SERINC5: variants seen among roughly 807,000 people sequenced by gnomAD.
SERINC5 encodes the protein serine incorporator 5.
In SERINC5, 41 loss-of-function variants were observed where a neutral mutation model predicts 63.1. The ratio of observed to expected loss-of-function variants is 0.65; its 90% CI spans 0.51 to 0.84. The LOEUF (loss-of-function observed/expected upper bound fraction) is 0.84. SERINC5 is among the 40% of genes least tolerant of loss of function. The pLI, the probability that SERINC5 is intolerant of heterozygous loss-of-function variation, is 0.00. For missense variants in SERINC5, 523 were observed against 573.0 expected (o/e 0.91, Z 0.89); for synonymous variants, 222 against 215.2 (o/e 1.03, Z -0.28).
chr5:80,224,766 A>G (rs934062599), intron 1 of SERINC5, among the ~76,000 whole-genome samples: 5 of 151,768 alleles, frequency 3.3e-5, no homozygotes, highest in Admixed American at 2.0e-4. Context: ...AGCTGGGATT[A>G]CAGGAATGCA....
At chr5:80,137,933 G>A (rs778865001), downstream of SERINC5, among the ~76,000 whole-genome samples, 41 of 151,804 alleles carry the variant, frequency 2.7e-4, no homozygotes, top group Non-Finnish European at 1.3e-4. Flanking sequence ...GTGAGACTCT[G>A]TCTCAAAAAA....
chr5:80,124,731 G>A (rs540192830), intron 11 of SERINC5, among the ~76,000 whole-genome samples: 38 of 152,066 alleles, frequency 2.5e-4, no homozygotes, highest in Non-Finnish European at 4.4e-4. Context: ...TGCTTATCTC[G>A]TCACCTGCAG....
chr5:80,239,467 C>CTT (rs35238009), intron 1 of SERINC5, among the ~76,000 whole-genome samples: 11 of 133,950 alleles, frequency 8.2e-5, no homozygotes, highest in Non-Finnish European at 1.4e-4. Context: ...CACTGGGATT[C>CTT]TTTTTTTTTT....
At chr5:80,201,856 A>G (rs1749856970) in intron 2 of SERINC5, among the ~76,000 whole-genome samples, 1 of 152,222 alleles carries the variant, frequency 6.6e-6, no homozygotes, top group African/African-American at 2.4e-5. Flanking sequence ...GAAATGCCCC[A>G]TAGCCCATTC....
rs144929941 is a variant in SERINC5, at chr5:80,209,113, A to G, written c.28-6060T>C. Among the ~76,000 whole-genome samples the G allele has an allele frequency of 6.5e-4, 99 of 152,316 alleles. 1 individual carries two copies. The East Asian group carries it at 0.019, about 29-fold the overall frequency. The stretch of plus-strand genomic sequence containing the variant: ...TGGCAACACCCCGTCTCTACTAAAA[A>G]TACAAAAATTAGCCAAGCATGGTGG... On this transcript the variant is annotated intron_variant, in intron 1 of 11. Coordinates refer to ENST00000507668, the MANE Select transcript of SERINC5 (RefSeq NM_001174072.3).
In SERINC5 at chr5:80,177,995, A is replaced by C. The variant is rs747035279; in HGVS notation, c.265T>G (p.Ser89Ala). 1 of 1,612,874 alleles carries C rather than the reference A, an allele frequency of 6.2e-7. No individual in the cohort carries two copies. The highest frequency in any genetic ancestry group is 1.1e-5 in the South Asian group (1 of 90,794). ...CCAAAACAGACTCTATACACGGCAGAATATCCCACCAGCTTCTCACAGGTG... is the reference window on the plus strand; with the variant it reads ...CCAAAACAGACTCTATACACGGCAGCATATCCCACCAGCTTCTCACAGGTG... ...GDTCEKLVGYSAVYRVCFGMA... is the reference protein window; with the variant it reads ...GDTCEKLVGYAAVYRVCFGMA... The change falls in exon 3 of 12, where the codon TCT becomes GCT. Residue 89 changes from serine (S) to alanine (A), a missense_variant. Transcript: ENST00000507668.
At chr5:80,179,242 C>T (rs751430712) in intron 2 of SERINC5, among the ~76,000 whole-genome samples, 67 of 151,928 alleles carry the variant, frequency 4.4e-4, no homozygotes, top group Non-Finnish European at 6.6e-4. Flanking sequence ...GAGGTTGCAG[C>T]GAGCCGAGAT....
intron 2 of SERINC5, among the ~76,000 whole-genome samples, chr5:80,183,117 C>T (rs1748559724): frequency 6.6e-6 from 1 of 152,070 alleles, no homozygotes; most frequent in African/African-American, 2.4e-5. Flanking sequence ...GGCAAGGGGA[C>T]AAGTTTGAAG....
chr5:80,229,031 T>TGGGGGGGGGGGA (rs1751300719), intron 1 of SERINC5, among the ~76,000 whole-genome samples: 1 of 33,794 alleles, frequency 3.0e-5, no homozygotes, highest in Non-Finnish European at 5.0e-5. Context: ...CTTTTTTTTT[T>TGGGGGGGGGGGA]TTTTTTTTTT....
At chr5:80,225,691 G>C (rs1174119134) in intron 1 of SERINC5, among the ~76,000 whole-genome samples, 1 of 152,158 alleles carries the variant, frequency 6.6e-6, no homozygotes, top group Non-Finnish European at 1.5e-5. Flanking sequence ...TGCCTTAAAA[G>C]AGTAGGGTTA....
At chr5:80,226,738 AAAT>A (rs1751183480) in intron 1 of SERINC5, among the ~76,000 whole-genome samples, 3 of 152,132 alleles carry the variant, frequency 2.0e-5, no homozygotes, top group Admixed American at 6.5e-5. Flanking sequence ...TAATTTTTTT[AAAT>A]AATAGGAAAT....
chr5:80,246,938 G>C (rs1752195476), intron 1 of SERINC5, among the ~76,000 whole-genome samples: 1 of 152,208 alleles, frequency 6.6e-6, no homozygotes, highest in Non-Finnish European at 1.5e-5. Context: ...GAGGTAACTT[G>C]ATTGATACTG....
At chr5:80,119,012 C>T (rs1274609918) in intron 11 of SERINC5, among the ~76,000 whole-genome samples, 2 of 152,110 alleles carry the variant, frequency 1.3e-5, no homozygotes, top group Non-Finnish European at 2.9e-5. Flanking sequence ...TACCTAAGAA[C>T]ATGGACTTTA....
At chr5:80,122,218 G>A (rs1442983937) in intron 11 of SERINC5, among the ~76,000 whole-genome samples, 8 of 67,634 alleles carry the variant, frequency 1.2e-4, no homozygotes, top group African/African-American at 2.2e-4. Flanking sequence ...TATATAATAT[G>A]AGTTTATTAA....
At chr5:80,236,661 G>C (rs983539901) in intron 1 of SERINC5, among the ~76,000 whole-genome samples, 2 of 151,784 alleles carry the variant, frequency 1.3e-5, no homozygotes, top group African/African-American at 4.8e-5. Flanking sequence ...AAGTAGCTGG[G>C]ATTACAGGTG....
chr5:80,252,172 G>A (rs556676559), intron 1 of SERINC5, among the ~76,000 whole-genome samples: 4 of 149,610 alleles, frequency 2.7e-5, no homozygotes, highest in South Asian at 4.2e-4. Context: ...AGTGATTCTG[G>A]TGCCTCAGCC....
At chr5:80,198,917 G>T (rs75671234) in intron 2 of SERINC5, among the ~76,000 whole-genome samples, 1 of 152,084 alleles carries the variant, frequency 6.6e-6, no homozygotes, top group Non-Finnish European at 1.5e-5. Flanking sequence ...CCTCTGTGAG[G>T]GACATCAGGG....
intron 8 of SERINC5, among the ~76,000 whole-genome samples, chr5:80,151,401 A>T (rs1237161659): frequency 1.3e-5 from 2 of 152,244 alleles, no homozygotes; most frequent in Non-Finnish European, 2.9e-5. Context: ...CTATAGTAGA[A>T]CAAGGCTTGC....
chr5:80,228,578 CG>C (rs1751280406), intron 1 of SERINC5, among the ~76,000 whole-genome samples: 1 of 152,054 alleles, frequency 6.6e-6, no homozygotes, highest in Non-Finnish European at 1.5e-5. Flanking sequence ...GCCTCAGCCT[CG>C]CAAGTACTTA....
Sources: gnomAD v4.1 joint callset for allele counts (sites outside exome capture counted in the v4.1 genomes callset) on GRCh38, gnomAD v4.1.1 for gene constraint, MANE v1.5 for transcripts, NCBI Gene and HGNC (gene_info 2026-07-23, HGNC 2026-07-21) for gene names.